Variants in PRX observed in about 807,000 individuals in gnomAD.
PRX encodes periaxin.
A neutral mutation model predicts 29.6 loss-of-function variants in PRX; 24 were observed. The ratio of observed to expected loss-of-function variants is 0.81; its 90% CI spans 0.59 to 1.14. PRX has a LOEUF of 1.14. Ranked by LOEUF, PRX falls within the 50% of genes most tolerant of loss-of-function variation. The pLI is 0.00. For synonymous variants in PRX, 772 were observed against 831.7 expected, an observed-to-expected ratio of 0.93 and a Z score of 1.24; for missense variants, 1,838 against 1,926.4, an observed-to-expected ratio of 0.95 and a Z score of 0.86.
At position 40,398,744 on chromosome 19, in the gene PRX, C is replaced by T. The variant is rs565094384; in HGVS notation, c.257G>A (p.Cys86Tyr). ...KYEDALRLLQ[C>Y]AEPYKVSFCL... ...GAAGGAGACTTTGTAAGGCTCGGCG[C>T]ATTGCAGCAGGCGTAGTGCGTCCTC... The change falls in exon 6 of 7, where the codon TGC (cysteine) becomes TAC (tyrosine). Residue 86 changes from cysteine (C) to tyrosine (Y), a missense_variant. Coordinates refer to ENST00000324001, the MANE Select transcript of PRX (RefSeq NM_181882.3). This position sits in a 1 kb window ranked among gnomAD's most constrained non-coding sequence, Gnocchi z 6.3. The T allele has an allele frequency of 2.5e-5, 41 of 1,614,118 alleles. No individual in the cohort carries two copies. In the Admixed American group the frequency reaches 5.5e-4, roughly 22 times the overall value.
rs887982096 is a variant in PRX, at chr19:40,394,437, C to T, written c.3915G>A (p.Lys1305=). 6.2e-7 allele frequency: 1 copy of T among 1,603,002 alleles called. No homozygotes were observed. The highest frequency in any genetic ancestry group is 1.3e-5 in the African/African-American group (1 of 74,540). The change falls in exon 7 of 7, where the codon AAG becomes AAA. Residue 1305 remains lysine (K), a synonymous_variant. Transcript: ENST00000324001. The surrounding 1 kb of genome is among the most constrained non-coding windows in gnomAD (Gnocchi z 5.8). ...CCAGGCCAAACCGGGGCAGCCGTACCTTGAGCTTGTGTCCGGCCTCTCCCT... is the reference window on the plus strand; with the variant it reads ...CCAGGCCAAACCGGGGCAGCCGTACTTTGAGCTTGTGTCCGGCCTCTCCCT... ...EGEGEAGHKL[K]VRLPRFGLVR...
In PRX at chr19:40,398,740, G is replaced by C. The variant is rs760749713; in HGVS notation, c.261C>G (p.Ala87=). Residue 87 remains alanine, a synonymous_variant, in exon 6 of 7, where the codon GCC becomes GCG. Transcript: ENST00000324001. The surrounding 1 kb of genome is among the most constrained non-coding windows in gnomAD (Gnocchi z 6.3). ...GGCAGAAGGAGACTTTGTAAGGCTC[G>C]GCGCATTGCAGCAGGCGTAGTGCGT... ...YEDALRLLQC[A]EPYKVSFCLK... is the part of the protein sequence containing the mutation. 6.2e-7 allele frequency: 1 copy of C among 1,614,070 alleles called. No homozygotes were observed. The highest frequency in any genetic ancestry group is 2.2e-5 in the East Asian group (1 of 44,872).
intron 1 of PRX, among the ~76,000 whole-genome samples, chr19:40,411,353 GAC>G (rs2079557845): frequency 6.6e-6 from 1 of 152,166 alleles, no homozygotes; most frequent in Non-Finnish European, 1.5e-5. Flanking sequence ...TGATCACAGT[GAC>G]AGAGTCGAGA....
chr19:40,394,234 CGGCCCCGGCGACCCGA>C lies in PRX; in HGVS notation c.4102_4117del (p.Ser1368GlyfsTer9), dbSNP rs1487409170. The stretch of plus-strand genomic sequence containing the variant: ...TACACGTGGCAAGCGGACCCGGACC[CGGCCCCGGCGACCCGA>C]GGCCCCTTCCCCACTGCCCTCTTCC... On this transcript the variant is annotated frameshift_variant, in exon 7 of 7. Transcript: ENST00000324001. LOFTEE classifies it high-confidence loss of function. The surrounding 1 kb of genome is among the most constrained non-coding windows in gnomAD (Gnocchi z 5.8). 2 of 1,604,790 alleles carry C rather than the reference CGGCCCCGGCGACCCGA, an allele frequency of 1.2e-6. No individual in the cohort carries two copies. The highest frequency in any genetic ancestry group is 1.7e-6 in the Non-Finnish European group (2 of 1,173,220).
rs952165500 is a variant in PRX, at chr19:40,393,932, A to C, written c.*34T>G. The C allele has an allele frequency of 3.7e-6, 6 of 1,605,540 alleles. No homozygotes were observed. The South Asian group carries it at 5.5e-5, about 15-fold the overall frequency. ...ACAACAGCGAGGGGGTAGAGAAAGG[A>C]AGGCAAGAAGGGATCCCCATCTGAC... On this transcript the variant is annotated 3_prime_UTR_variant, in exon 7 of 7. Coordinates refer to ENST00000324001, the MANE Select transcript of PRX (RefSeq NM_181882.3).
Position 40,394,020 on chromosome 19 carries a change from C to A in PRX, c.4332G>T (p.Glu1444Asp). 1 of 1,613,678 alleles carries A rather than the reference C, an allele frequency of 6.2e-7. No individual in the cohort carries two copies. Residue 1444 changes from glutamate to aspartate, a missense_variant, in exon 7 of 7, where the codon GAG becomes GAT. By Grantham distance (45) the Glu-to-Asp change is conservative (BLOSUM62 2). Transcript: ENST00000324001. The surrounding 1 kb of genome is among the most constrained non-coding windows in gnomAD (Gnocchi z 5.8). ...TCCTGGCCGGGCCTGGAGCCCCTGTCTCTGAAAACCCCACGCTGGGCAGCC... is the reference window on the plus strand; with the variant it reads ...TCCTGGCCGGGCCTGGAGCCCCTGTATCTGAAAACCCCACGCTGGGCAGCC... ...RVRLPSVGFS[E>D]TGAPGPARME...
intron 1 of PRX, among the ~76,000 whole-genome samples, chr19:40,409,208 A>T (rs2079547187): frequency 6.6e-6 from 1 of 151,986 alleles, no homozygotes; most frequent in African/African-American, 2.4e-5. Context: ...TAGGTTGCCC[A>T]AACTGAGCTC....
intron 1 of PRX, among the ~76,000 whole-genome samples, chr19:40,411,889 C>T: frequency 6.6e-6 from 1 of 152,230 alleles, no homozygotes; most frequent in Admixed American, 6.5e-5. Flanking sequence ...TGGCATATGC[C>T]AGAACTTTCA....
chr19:40,397,432 G>A lies in PRX; in HGVS notation c.920C>T (p.Pro307Leu), dbSNP rs1193813292. 1.3e-6 allele frequency: 2 copies of A among 1,599,844 alleles called. No homozygotes were observed. Among genetic ancestry groups the A allele is most frequent in the South Asian group, 2.2e-5 (2 of 89,500 alleles). The stretch of plus-strand genomic sequence containing the variant: ...CCGGGTCTCTAGGCAGGGAAGTGTG[G>A]GCAGAGTGGGCAGTGAGGGCAAGGC... ...LPALPSLPTL[P>L]TLPCLETREG... Residue 307 changes from proline (P) to leucine (L), a missense_variant, in exon 7 of 7, where the codon CCC becomes CTC. By Grantham distance (98) the Pro-to-Leu change is moderately conservative (BLOSUM62 -3). Around this residue, in one of 3 missense-constraint regions of PRX, gnomAD observed 666 missense variants for 665.0 expected, o/e 1.00. Coordinates refer to ENST00000324001, the MANE Select transcript of PRX (RefSeq NM_181882.3).
intron 4 of PRX, among the ~76,000 whole-genome samples, chr19:40,407,253 T>TGTGTGTGTGTG (rs1303300315): frequency 7.5e-5 from 11 of 146,992 alleles, no homozygotes; most frequent in African/African-American, 2.3e-4. Context: ...TGTGTGTGTG[T>TGTGTGTGTGTG]TTAGACAGGG....
rs745442249 is a variant in PRX at position 40,395,602 on chromosome 19, C to T, written c.2750G>A (p.Arg917Gln). Reference sequence around the variant, plus strand: ...GACTTTTGTCTCTATCATCTCCAGCCGCCCTTCCTCAATTTCCACGGCGGG... The same window carrying T: ...GACTTTTGTCTCTATCATCTCCAGCTGCCCTTCCTCAATTTCCACGGCGGG... Reference protein sequence around the residue: ...QLPAVEIEEGRLEMIETKVKP... With the variant: ...QLPAVEIEEGQLEMIETKVKP... The change falls in exon 7 of 7, where the codon CGG becomes CAG. Residue 917 changes from arginine to glutamine, a missense_variant. Physicochemically the swap from Arg to Gln is conservative, Grantham distance 43. Around this residue, in one of 3 missense-constraint regions of PRX, gnomAD observed 1,143 missense variants for 1,193.0 expected, o/e 0.96. Coordinates refer to ENST00000324001, the MANE Select transcript of PRX (RefSeq NM_181882.3). The T allele has an allele frequency of 4.3e-5, 70 of 1,614,072 alleles. No homozygotes were observed. Among genetic ancestry groups the T allele is most frequent in the Middle Eastern group, 1.6e-4 (1 of 6,084 alleles).
Position 40,395,195 on chromosome 19 carries a change from C to A in PRX, c.3157G>T (p.Asp1053Tyr). ...AGCTTGGGCATCTTCACCCTCCCATCCCAGCCCCAGCCCTTGCCCTCCAAC... is the reference window on the plus strand; with the variant it reads ...AGCTTGGGCATCTTCACCCTCCCATACCAGCCCCAGCCCTTGCCCTCCAAC... ...AELEGKGWGWDGRVKMPKLKM... is the reference protein window; with the variant it reads ...AELEGKGWGWYGRVKMPKLKM... Residue 1053 changes from aspartate to tyrosine, a missense_variant, in exon 7 of 7, where the codon GAT (aspartate) becomes TAT (tyrosine). Physicochemically the swap from Asp to Tyr is radical, Grantham distance 160. Coordinates refer to ENST00000324001, the MANE Select transcript of PRX (RefSeq NM_181882.3). 1 of 1,614,162 alleles carries A rather than the reference C, an allele frequency of 6.2e-7. No individual in the cohort carries two copies. The highest frequency in any genetic ancestry group is 8.5e-7 in the Non-Finnish European group (1 of 1,180,004).
chr19:40,399,719 TCTTTC>T (rs1314132513), intron 5 of PRX, among the ~76,000 whole-genome samples: 1 of 152,176 alleles, frequency 6.6e-6, no homozygotes, highest in Non-Finnish European at 1.5e-5. Flanking sequence ...CTGATTTCTT[TCTTTC>T]TTTTCTAAAC....
chr19:40,403,768 C>T lies in PRX; in HGVS notation c.122G>A (p.Gly41Glu). Residue 41 changes from glycine (G) to glutamate (E), a missense_variant, in exon 5 of 7, where the codon GGA (glycine) becomes GAA (glutamate). Gly to Glu is a moderately conservative substitution (Grantham distance 98). Coordinates refer to ENST00000324001, the MANE Select transcript of PRX (RefSeq NM_181882.3). ...CTCGCGCAGCTCCCGAACGAAGATTCCCTCTTTGCCGCCGCCCGCTACGTT... is the reference window on the plus strand; with the variant it reads ...CTCGCGCAGCTCCCGAACGAAGATTTCCTCTTTGCCGCCGCCCGCTACGTT... Reference protein sequence around the residue: ...GINVAGGGKEGIFVRELREDS... With the variant: ...GINVAGGGKEEIFVRELREDS... 6.3e-7 allele frequency: 1 copy of T among 1,597,068 alleles called. No individual in the cohort carries two copies. Among genetic ancestry groups the T allele is most frequent in the Middle Eastern group, 1.7e-4 (1 of 5,964 alleles).
At chr19:40,412,322 G>T (rs2079562254) in intron 1 of PRX, among the ~76,000 whole-genome samples, 1 of 152,146 alleles carries the variant, frequency 6.6e-6, no homozygotes, top group African/African-American at 2.4e-5. Flanking sequence ...CCCTGCTCCA[G>T]CACTTCCCAG....
At chr19:40,406,247 CAAAA>C (rs112824640) in intron 4 of PRX, among the ~76,000 whole-genome samples, 1 of 88,792 alleles carries the variant, frequency 1.1e-5, no homozygotes. Flanking sequence ...GAATCCGTCT[CAAAA>C]AAAAAAAAAA....
chr19:40,410,017 C>T (rs1482134439), intron 1 of PRX, among the ~76,000 whole-genome samples: 1 of 152,112 alleles, frequency 6.6e-6, no homozygotes, highest in Non-Finnish European at 1.5e-5. Context: ...CTGATGGGTA[C>T]TGAGTGATTA....
intron 5 of PRX, among the ~76,000 whole-genome samples, chr19:40,399,133 C>T (rs111684746): frequency 3.4e-4 from 52 of 152,180 alleles, no homozygotes; most frequent in African/African-American, 1.2e-3. Context: ...TCCAGAATCT[C>T]CCACACTGTG....
intron 4 of PRX, chr19:40,407,611 C>G (rs1300394490): frequency 3.6e-6 from 2 of 558,288 alleles, no homozygotes; most frequent in Non-Finnish European, 6.4e-6. Flanking sequence ...TATGCTGCCT[C>G]TTCTGATGAA....
Sources: allele counts gnomAD v4.1 joint callset (sites outside exome capture counted in the v4.1 genomes callset), GRCh38; gene constraint gnomAD v4.1.1; regional missense constraint gnomAD v4.1.1; non-coding constraint Gnocchi (gnomAD v3.1); transcripts MANE v1.5; gene names NCBI Gene and HGNC (gene_info 2026-07-23, HGNC 2026-07-21).